PDE7A: variants seen among roughly 807,000 people sequenced by gnomAD.
PDE7A encodes the protein phosphodiesterase 7A.
A neutral mutation model predicts 64.3 loss-of-function variants in PDE7A; 39 were observed. The ratio of observed to expected loss-of-function variants is 0.61; its 90% CI spans 0.47 to 0.79. PDE7A has a LOEUF of 0.79. Among genes scored for constraint, PDE7A ranks in the 30% least tolerant of loss-of-function variants. PDE7A has a pLI of 0.00. For missense variants in PDE7A, 470 were observed against 582.8 expected, an observed-to-expected ratio of 0.81 and a Z score of 1.99; for synonymous variants, 203 against 206.8, an observed-to-expected ratio of 0.98 and a Z score of 0.16.
rs781069181 is a variant in PDE7A, at chr8:65,779,783, G to T, written c.220C>A (p.Arg74=). 6.3e-7 allele frequency: 1 copy of T among 1,598,228 alleles called. No homozygotes were observed. Among genetic ancestry groups the T allele is most frequent in the Non-Finnish European group, 8.6e-7 (1 of 1,169,062 alleles). ...RMLGDVRVRS[R]AGFESERRGS... is the part of the protein sequence containing the mutation. ...CTTCTTTCTGATTCAAATCCTGCTCGGCTCCTTACACGTACATCTCCTGGA... is the reference window on the plus strand; with the variant it reads ...CTTCTTTCTGATTCAAATCCTGCTCTGCTCCTTACACGTACATCTCCTGGA... The change falls in exon 3 of 13, where the codon CGA becomes AGA. Residue 74 remains arginine (R), a synonymous_variant. Transcript: ENST00000401827.
chr8:65,716,160 A>AAC lies in PDE7A; in HGVS notation c.*3129_*3130insGT, dbSNP rs1036280481. ...CGAGACCCTGTCTCAAAAAAAAAAA[A>AAC]AAACAAAAGGGCTATAGAAGGTGAT... On this transcript the variant is annotated 3_prime_UTR_variant, in exon 13 of 13. Transcript: ENST00000401827. Among the ~76,000 whole-genome samples the AAC allele has an allele frequency of 6.6e-6, 1 of 151,504 alleles. No individual in the cohort carries two copies. The highest frequency in any genetic ancestry group is 1.5e-5 in the Non-Finnish European group (1 of 67,868).
chr8:65,841,275 T>C (rs2128936507), intron 1 of PDE7A, 96 bp downstream of exon 1: 1 of 1,306,242 alleles, frequency 7.7e-7, no homozygotes. Context: ...CAATGGACAA[T>C]GCGCGGGCTG....
intron 3 of PDE7A, among the ~76,000 whole-genome samples, chr8:65,761,622 T>C (rs1203851162): frequency 6.6e-6 from 1 of 152,188 alleles, no homozygotes; most frequent in Non-Finnish European, 1.5e-5. Context: ...TTCTAAAATA[T>C]CACATTACTT....
chr8:65,738,296 A>G (rs1391686159), intron 6 of PDE7A, among the ~76,000 whole-genome samples: 1 of 152,242 alleles, frequency 6.6e-6, no homozygotes, highest in East Asian at 1.9e-4. Flanking sequence ...AAATTAAGCT[A>G]TCTCTTGATC....
chr8:65,783,421 T>C (rs1284328396), intron 1 of PDE7A, among the ~76,000 whole-genome samples: 1 of 151,456 alleles, frequency 6.6e-6, no homozygotes, highest in Non-Finnish European at 1.5e-5. Context: ...GCCGGTCTCC[T>C]GGCTTTTCCT....
Position 65,719,034 on chromosome 8 carries a change from C to T in PDE7A, c.*256G>A, listed in dbSNP as rs1806263631. The T allele has an allele frequency of 1.9e-6, 1 of 515,794 alleles. No individual in the cohort carries two copies. The highest frequency in any genetic ancestry group is 3.5e-6 in the Non-Finnish European group (1 of 286,480). 32.0% of individuals were successfully genotyped at this position (515,794 alleles called of 1,614,324 possible). A position where few individuals can be genotyped will look rare whatever the true frequency, so the allele number is the denominator to read the frequency against. ...TCAAAACTTCCTTTGTTACTCCTTT[C>T]GGATTCTCTCCTGCTGGGCTTTGCA... is the stretch of plus-strand genomic sequence containing the variant. On this transcript the variant is annotated 3_prime_UTR_variant, in exon 13 of 13. Coordinates refer to ENST00000401827, the MANE Select transcript of PDE7A (RefSeq NM_001242318.3).
At chr8:65,770,985 G>T (rs1809058939) in intron 3 of PDE7A, 2 of 328,762 alleles carry the variant, frequency 6.1e-6, no homozygotes, top group South Asian at 5.0e-5. Context: ...GGACAAGAAG[G>T]CCTATGGCAA....
chr8:65,820,484 T>C (rs1426452340), intron 1 of PDE7A, among the ~76,000 whole-genome samples: 1 of 152,154 alleles, frequency 6.6e-6, no homozygotes, highest in Non-Finnish European at 1.5e-5. Flanking sequence ...TATATAAACA[T>C]AGGAAATACA....
At chr8:65,768,806 T>A (rs996901733) in intron 3 of PDE7A, among the ~76,000 whole-genome samples, 16 of 152,278 alleles carry the variant, frequency 1.1e-4, no homozygotes, top group Admixed American at 5.2e-4. Context: ...ATATGTATGA[T>A]AAATATTACC....
rs139293540 is a variant in PDE7A, at chr8:65,761,003, A to G, written c.284-13200T>C. Reference sequence around the variant, plus strand: ...TAGTACTTTCATCCGAACAATTACTAAAAAGCTCACCCTCTGGCTGTATTA... The same window carrying G: ...TAGTACTTTCATCCGAACAATTACTGAAAAGCTCACCCTCTGGCTGTATTA... On this transcript the variant is annotated intron_variant, in intron 3 of 12. Coordinates refer to ENST00000401827, the MANE Select transcript of PDE7A (RefSeq NM_001242318.3). Among the ~76,000 whole-genome samples the G allele has an allele frequency of 1.1e-3, 174 of 152,338 alleles. 1 individual carries two copies. The highest frequency in any genetic ancestry group is 4.0e-3 in the African/African-American group (168 of 41,574).
chr8:65,771,818 T>C (rs1809098618), intron 3 of PDE7A, among the ~76,000 whole-genome samples: 1 of 138,562 alleles, frequency 7.2e-6, no homozygotes, highest in Non-Finnish European at 1.5e-5. Context: ...GAGGCTGCAG[T>C]GAGCCACGAT....
intron 2 of PDE7A, among the ~76,000 whole-genome samples, chr8:65,782,114 A>G (rs571151486): frequency 2.0e-5 from 3 of 152,320 alleles, no homozygotes; most frequent in Non-Finnish European, 4.4e-5. Flanking sequence ...AGGAATTCTG[A>G]GCTGAGGAGG....
intron 1 of PDE7A, among the ~76,000 whole-genome samples, chr8:65,820,805 G>A (rs929177472): frequency 1.3e-5 from 2 of 152,124 alleles, no homozygotes; most frequent in African/African-American, 4.8e-5. Flanking sequence ...GGCCAGGCTG[G>A]TCTCGAACTC....
chr8:65,832,399 T>C (rs2128934617), intron 1 of PDE7A, among the ~76,000 whole-genome samples: 1 of 152,306 alleles, frequency 6.6e-6, no homozygotes, highest in African/African-American at 2.4e-5. Context: ...TTAACCTTTA[T>C]CTACATTTTT....
At chr8:65,798,440 G>A (rs891706011) in intron 1 of PDE7A, among the ~76,000 whole-genome samples, 1 of 151,778 alleles carries the variant, frequency 6.6e-6, no homozygotes, top group Non-Finnish European at 1.5e-5. Context: ...GAACTCCTGA[G>A]TTCAGGTGAT....
intron 12 of PDE7A, among the ~76,000 whole-genome samples, chr8:65,721,018 A>C (rs751348715): frequency 3.9e-5 from 6 of 152,156 alleles, no homozygotes; most frequent in Non-Finnish European, 7.3e-5. Context: ...CAGCCAACAA[A>C]TTAGCTATCA....
At chr8:65,762,782 A>G (rs971859923) in intron 3 of PDE7A, among the ~76,000 whole-genome samples, 1 of 152,178 alleles carries the variant, frequency 6.6e-6, no homozygotes, top group African/African-American at 2.4e-5. Flanking sequence ...CTAATGTGCT[A>G]GAGAAATAAT....
At chr8:65,743,484 A>G (rs1026912126) in intron 5 of PDE7A, among the ~76,000 whole-genome samples, 6 of 152,174 alleles carry the variant, frequency 3.9e-5, no homozygotes, top group Non-Finnish European at 7.3e-5. Context: ...TCTGCTGATA[A>G]AGACAAACTT....
chr8:65,827,542 C>T (rs1233341615), intron 1 of PDE7A, among the ~76,000 whole-genome samples: 1 of 152,178 alleles, frequency 6.6e-6, no homozygotes, highest in East Asian at 1.9e-4. Context: ...ATTAAGAATG[C>T]AGCATATTCC....
Sources: gnomAD v4.1 joint callset for allele counts (sites outside exome capture counted in the v4.1 genomes callset) on GRCh38, gnomAD v4.1.1 for gene constraint, MANE v1.5 for transcripts, NCBI Gene and HGNC (gene_info 2026-07-23, HGNC 2026-07-21) for gene names.